The following MCC variants were observed in gnomAD, a reference collection of about 807,000 sequenced individuals.
MCC encodes MCC regulator of Wnt signaling pathway, also known as colorectal mutant cancer protein.
MCC carries 90 observed loss-of-function variants against 116.2 expected under a neutral mutation model. The observed-to-expected ratio is 0.77, with a 90% CI of 0.65 to 0.92. The LOEUF (loss-of-function observed/expected upper bound fraction) is 0.92. Among genes scored for constraint, MCC ranks in the 40% least tolerant of loss-of-function variants. The pLI is 0.00. For missense variants in MCC, 1,516 were observed against 1,312.2 expected (o/e 1.16, Z -2.40); for synonymous variants, 578 against 510.5 (o/e 1.13, Z -1.78).
chr5:113,456,475 G>A (rs920901670), intron 1 of MCC, among the ~76,000 whole-genome samples: 2 of 150,484 alleles, frequency 1.3e-5, no homozygotes, highest in African/African-American at 4.9e-5. Context: ...CTTTTTTTTT[G>A]AGACAGAGCC....
At chr5:113,112,040 T>C (rs958774508) in intron 6 of MCC, among the ~76,000 whole-genome samples, 2 of 151,338 alleles carry the variant, frequency 1.3e-5, no homozygotes, top group African/African-American at 4.9e-5. Flanking sequence ...CTCCAACAGG[T>C]GAGATGTTAC....
chr5:113,414,156 T>C (rs1770074952), intron 1 of MCC, among the ~76,000 whole-genome samples: 1 of 152,230 alleles, frequency 6.6e-6, no homozygotes, highest in Non-Finnish European at 1.5e-5. Context: ...GTGATTTCTG[T>C]TCTTTTACAT....
At chr5:113,453,126 T>C (rs1185225051) in intron 1 of MCC, among the ~76,000 whole-genome samples, 2 of 152,208 alleles carry the variant, frequency 1.3e-5, no homozygotes, top group African/African-American at 4.8e-5. Flanking sequence ...TCAGCAGTCT[T>C]ATTGAGTTTT....
At chr5:113,327,545 C>CAAAAAAAAA (rs1189402090) in intron 3 of MCC, among the ~76,000 whole-genome samples, 1 of 57,196 alleles carries the variant, frequency 1.7e-5, no homozygotes, top group African/African-American at 9.3e-5. Flanking sequence ...GACTCAGTCT[C>CAAAAAAAAA]AAAAAAAAAA....
At chr5:113,132,104 AT>A (rs1288622116) in intron 5 of MCC, among the ~76,000 whole-genome samples, 1 of 151,980 alleles carries the variant, frequency 6.6e-6, no homozygotes, top group African/African-American at 2.4e-5. Context: ...ATAACGATTA[AT>A]TTTTTATTTT....
intron 2 of MCC, among the ~76,000 whole-genome samples, chr5:113,346,564 T>A (rs2150380614): frequency 6.6e-6 from 1 of 152,024 alleles, no homozygotes; most frequent in African/African-American, 2.4e-5. Context: ...CATGCCATTG[T>A]ACTCCAGCCT....
intron 3 of MCC, among the ~76,000 whole-genome samples, chr5:113,202,104 A>C (rs937534945): frequency 6.6e-6 from 1 of 152,078 alleles, no homozygotes; most frequent in Non-Finnish European, 1.5e-5. Context: ...CTCCATTACA[A>C]ATTTCCCCAT....
At chr5:113,050,084 C>T (rs1356520569) in intron 15 of MCC, among the ~76,000 whole-genome samples, 1 of 152,204 alleles carries the variant, frequency 6.6e-6, no homozygotes, top group East Asian at 1.9e-4. Context: ...CATGACGTGG[C>T]TCATTTCATC....
intron 3 of MCC, among the ~76,000 whole-genome samples, chr5:113,308,914 ATT>A (rs1432162345): frequency 6.6e-6 from 1 of 152,156 alleles, no homozygotes; most frequent in African/African-American, 2.4e-5. Flanking sequence ...AGGGACTAAC[ATT>A]TTGATTTTGC....
intron 13 of MCC, among the ~76,000 whole-genome samples, chr5:113,064,524 C>G (rs763832085): frequency 1.4e-4 from 22 of 152,344 alleles, no homozygotes; most frequent in Admixed American, 2.6e-4. Context: ...TACCATTTGG[C>G]CATTCCTCTG....
intron 1 of MCC, among the ~76,000 whole-genome samples, chr5:113,391,590 A>C (rs1359809179): frequency 6.6e-6 from 1 of 152,138 alleles, no homozygotes; most frequent in African/African-American, 2.4e-5. Flanking sequence ...ATGGTGGTGC[A>C]CACTGTAGTC....
At chr5:113,070,170 A>T (rs566424466) in intron 12 of MCC, among the ~76,000 whole-genome samples, 2 of 152,306 alleles carry the variant, frequency 1.3e-5, no homozygotes, top group East Asian at 3.9e-4. Context: ...GGTCTCATTC[A>T]TTTTGCTTTG....
chr5:113,107,575 A>C (rs1409046271), intron 6 of MCC, among the ~76,000 whole-genome samples: 1 of 152,174 alleles, frequency 6.6e-6, no homozygotes, highest in Non-Finnish European at 1.5e-5. Context: ...GACCCAAGTG[A>C]GGAGAAGAAC....
intron 1 of MCC, among the ~76,000 whole-genome samples, chr5:113,415,229 C>A (rs558079910): frequency 6.6e-6 from 1 of 152,270 alleles, no homozygotes; most frequent in African/African-American, 2.4e-5. Context: ...TTTGGTGAAT[C>A]TGACAATTAT....
intron 5 of MCC, among the ~76,000 whole-genome samples, chr5:113,133,936 TA>T (rs1420680916): frequency 6.6e-6 from 1 of 152,200 alleles, no homozygotes; most frequent in African/African-American, 2.4e-5. Context: ...AATCTTTTGC[TA>T]AAAAAAATCA....
At chr5:113,316,255 C>CAA (rs61130931) in intron 3 of MCC, among the ~76,000 whole-genome samples, 2 of 111,070 alleles carry the variant, frequency 1.8e-5, no homozygotes, top group Non-Finnish European at 4.1e-5. Flanking sequence ...GACTCTGTCT[C>CAA]AAAAAAAAAA....
At chr5:113,168,556 T>C (rs376416780) in intron 3 of MCC, among the ~76,000 whole-genome samples, 23 of 152,300 alleles carry the variant, frequency 1.5e-4, no homozygotes, top group African/African-American at 5.5e-4. Context: ...GATAAATCTA[T>C]GCCATGAAAG....
At chr5:113,230,389 A>G (rs919086388) in intron 3 of MCC, among the ~76,000 whole-genome samples, 6 of 152,234 alleles carry the variant, frequency 3.9e-5, no homozygotes, top group Non-Finnish European at 7.3e-5. Context: ...CAGAACATCA[A>G]TGTGTTTTCA....
chr5:113,359,190 C>T (rs748056630), intron 2 of MCC, among the ~76,000 whole-genome samples: 3 of 152,166 alleles, frequency 2.0e-5, no homozygotes, highest in East Asian at 1.9e-4. Context: ...GGCCAATGCA[C>T]GGAATTTCAA....
Sources: allele counts gnomAD v4.1 joint callset (sites outside exome capture counted in the v4.1 genomes callset), GRCh38; gene constraint gnomAD v4.1.1; transcripts MANE v1.5; gene names NCBI Gene and HGNC (gene_info 2026-07-23, HGNC 2026-07-21).